The following ZNF746 variants were observed in gnomAD, a reference collection of about 807,000 sequenced individuals.
ZNF746 encodes the protein zinc finger protein 746, also known as parkin-interacting substrate.
Under a neutral mutation model 41.0 loss-of-function variants are expected in ZNF746, and 13 were observed. The ratio of observed to expected loss-of-function variants is 0.32; its 90% CI spans 0.21 to 0.50. The LOEUF (loss-of-function observed/expected upper bound fraction) is 0.50, where lower values mean the gene tolerates loss of function less well. ZNF746 is among the 20% of genes least tolerant of loss of function. ZNF746 has a pLI of 0.98. For missense variants in ZNF746, 811 were observed against 922.9 expected (o/e 0.88, Z 1.57); for synonymous variants, 424 against 396.2 (o/e 1.07, Z -0.83).
intron 3 of ZNF746, among the ~76,000 whole-genome samples, chr7:149,493,347 A>C (rs921854298): frequency 6.6e-6 from 1 of 152,220 alleles, no homozygotes; most frequent in Non-Finnish European, 1.5e-5. Context: ...TGTGCTGACG[A>C]AACAACCTCA....
intron 1 of ZNF746, chr7:149,496,851 G>C (rs1365072285): frequency 1.0e-6 from 1 of 985,394 alleles, no homozygotes; most frequent in African/African-American, 1.7e-5. Flanking sequence ...CTGCCTGCCT[G>C]GTCCTTGAAC....
In ZNF746 at chr7:149,475,216, G is replaced by A. The variant is rs1187751472; in HGVS notation, c.1151C>T (p.Pro384Leu). The change falls in exon 7 of 7, where the codon CCT (proline) becomes CTT (leucine). Residue 384 changes from proline (P) to leucine (L), a missense_variant. Physicochemically the swap from Pro to Leu is moderately conservative, Grantham distance 98. This residue lies in a region of ZNF746 where 495 missense variants were observed against 481.6 expected (regional missense o/e 1.03). Coordinates refer to ENST00000458143, the MANE Select transcript of ZNF746 (RefSeq NM_001394198.1). The stretch of plus-strand genomic sequence containing the variant: ...CCCTCCGAAGAGCCAGTCCCCAGGA[G>A]GGGTCTCCTCCTGGGCCACAGCAGG... ...LSPAVAQEET[P>L]PGDWLFGGVR... The A allele has an allele frequency of 2.5e-6, 4 of 1,612,950 alleles. No homozygotes were observed. The African/African-American group carries it at 5.3e-5, about 22-fold the overall frequency.
chr7:149,493,187 T>C (rs1800868220), intron 3 of ZNF746, among the ~76,000 whole-genome samples: 1 of 152,048 alleles, frequency 6.6e-6, no homozygotes, highest in South Asian at 2.1e-4. Context: ...GTGACTGGCA[T>C]CTGGAGATGC....
rs1801021199 is a variant in ZNF746, at chr7:149,497,024, A to C, written c.24+489T>G. 1 of 985,376 alleles carries C rather than the reference A, an allele frequency of 1.0e-6. No individual in the cohort carries two copies. Among genetic ancestry groups the C allele is most frequent in the East Asian group, 1.1e-4 (1 of 8,792 alleles). The allele number at this position is 985,376 out of a possible 1,614,324, so 61.0% of individuals were successfully genotyped here. A position where few individuals can be genotyped will look rare whatever the true frequency, so the allele number is the denominator to read the frequency against. Reference sequence around the variant, plus strand: ...ACTAACGCCTCAACAGGGCTTGTGGAAGTGCGTGGCTCTATATTCCCTTCC... The same window carrying C: ...ACTAACGCCTCAACAGGGCTTGTGGCAGTGCGTGGCTCTATATTCCCTTCC... On this transcript the variant is annotated intron_variant, in intron 1 of 6. Transcript: ENST00000458143. The surrounding 1 kb of genome is among the most constrained non-coding windows in gnomAD (Gnocchi z 4.2).
At chr7:149,477,804 C>A in intron 4 of ZNF746, 49 bp from the exon 5 acceptor site, 1 of 1,479,674 alleles carries the variant, frequency 6.8e-7, no homozygotes. Context: ...CCCCTCAGCC[C>A]TGGGGCATAC....
At chr7:149,476,767 ATAAC>A (rs1007953797) in intron 6 of ZNF746, among the ~76,000 whole-genome samples, 151 bp downstream of exon 6, 2 of 152,220 alleles carry the variant, frequency 1.3e-5, no homozygotes, top group African/African-American at 4.8e-5. Flanking sequence ...AAGGAGATAA[ATAAC>A]AGAATGTGCA....
chr7:149,476,398 A>G (rs1274782624), intron 6 of ZNF746, among the ~76,000 whole-genome samples: 1 of 151,528 alleles, frequency 6.6e-6, no homozygotes, highest in Non-Finnish European at 1.5e-5. Context: ...GAGGTTTCAC[A>G]TCAGGGATCT....
intron 5 of ZNF746, 51 bp downstream of exon 5, chr7:149,477,513 C>T: frequency 6.5e-7 from 1 of 1,545,154 alleles, no homozygotes; most frequent in East Asian, 2.3e-5. Flanking sequence ...TCCCCTGTCC[C>T]TCCTGTGATC....
chr7:149,492,314 T>C (rs1374613442), intron 4 of ZNF746, among the ~76,000 whole-genome samples: 1 of 152,210 alleles, frequency 6.6e-6, no homozygotes, highest in Non-Finnish European at 1.5e-5. Context: ...GAGTAATAAA[T>C]ATATTTTCTC....
At chr7:149,480,442 TG>T (rs1318565557) in intron 4 of ZNF746, among the ~76,000 whole-genome samples, 43 of 152,232 alleles carry the variant, frequency 2.8e-4, no homozygotes, top group African/African-American at 7.7e-4. Context: ...TTTGTTTGTT[TG>T]TTTGTTTGAG....
In ZNF746 at chr7:149,497,399, G is replaced by A. The variant is rs1801043858; in HGVS notation, c.24+114C>T. On this transcript the variant is annotated intron_variant, in intron 1 of 6. Transcript: ENST00000458143. The surrounding 1 kb of genome is among the most constrained non-coding windows in gnomAD (Gnocchi z 4.2). ...CCCATTCGCGGGAGCCCCAGGCCCG[G>A]TGGTCCGGCCCGGACCCCGGAACCC... 9.9e-7 allele frequency: 1 copy of A among 1,009,434 alleles called. No homozygotes were observed. The highest frequency in any genetic ancestry group is 9.0e-5 in the East Asian group (1 of 11,058). The allele number at this position is 1,009,434 out of a possible 1,614,324, so 62.5% of individuals were successfully genotyped here.
chr7:149,474,794 C>T lies in ZNF746; in HGVS notation c.1573G>A (p.Ala525Thr), dbSNP rs936642916. 62 of 1,533,760 alleles carry T rather than the reference C, an allele frequency of 4.0e-5. No individual in the cohort carries two copies. The highest frequency in any genetic ancestry group is 5.2e-5 in the Non-Finnish European group (59 of 1,143,974). The change falls in exon 7 of 7, where the codon GCC becomes ACC. Residue 525 changes from alanine (A) to threonine (T), a missense_variant. Transcript: ENST00000458143. This position sits in a 1 kb window ranked among gnomAD's most constrained non-coding sequence, Gnocchi z 6.3. ...CGGCCGCACTCCCCACACCGAAGGG[C>T]GCTGCCATCCCGTGCGCTGCCCCCA... is the stretch of plus-strand genomic sequence containing the variant. ...SGGGSARDGS[A>T]LRCGECGRCF... is the part of the protein sequence containing the mutation.
At chr7:149,488,110 A>G (rs1337992647) in intron 4 of ZNF746, 2 of 152,360 alleles carry the variant, frequency 1.3e-5, no homozygotes, top group East Asian at 3.9e-4. Context: ...TGCAGAAACC[A>G]GCTCAGGACA....
chr7:149,475,134 C>G lies in ZNF746; in HGVS notation c.1233G>C (p.Thr411=). The G allele has an allele frequency of 6.2e-7, 1 of 1,612,404 alleles. No homozygotes were observed. The change falls in exon 7 of 7, where the codon ACG becomes ACC. Residue 411 remains threonine (T), a synonymous_variant. Transcript: ENST00000458143. The part of the protein sequence containing the change: ...CKPPVGLNPR[T]GPEGLPYSSP... ...AGGAGTAAGGAAGCCCCTCGGGCCCCGTCCTCGGGTTCAGGCCCACTGGCG... is the reference window on the plus strand; with the variant it reads ...AGGAGTAAGGAAGCCCCTCGGGCCCGGTCCTCGGGTTCAGGCCCACTGGCG...
chr7:149,477,075 G>A, intron 5 of ZNF746, 28 bp from the exon 6 acceptor site: 1 of 1,603,610 alleles, frequency 6.2e-7, no homozygotes. Flanking sequence ...CAGAGCCGGT[G>A]GGTTAGGGGA....
At chr7:149,476,263 A>G (rs542244348) in intron 6 of ZNF746, among the ~76,000 whole-genome samples, 14 of 141,286 alleles carry the variant, frequency 9.9e-5, no homozygotes, top group Middle Eastern at 3.8e-3. Flanking sequence ...CAGTGAGCAG[A>G]GATCGCCCCA....
rs1213065914 is a variant in ZNF746 at position 149,497,510 on chromosome 7, T to A, written c.24+3A>T. On this transcript the variant is annotated splice_donor_region_variant and intron_variant, in intron 1 of 6. Transcript: ENST00000458143. This position sits in a 1 kb window ranked among gnomAD's most constrained non-coding sequence, Gnocchi z 4.2. ...AGTCCCTGCGCGCGCGGGTCGCCCT[T>A]ACCGGAGCCGCGACCGCCTCGGCCA... 9.1e-7 allele frequency: 1 copy of A among 1,101,646 alleles called. No homozygotes were observed. The highest frequency in any genetic ancestry group is 1.1e-6 in the Non-Finnish European group (1 of 907,656). The allele number at this position is 1,101,646 out of a possible 1,614,324, so 68.2% of individuals were successfully genotyped here.
In ZNF746 at chr7:149,474,845, T is replaced by TGCCGCCACC; in HGVS notation, c.1521_1522insGGTGGCGGC (p.Gly507_Ser508insGlyGlyGly). On this transcript the variant is annotated inframe_insertion, in exon 7 of 7. Transcript: ENST00000458143. This position sits in a 1 kb window ranked among gnomAD's most constrained non-coding sequence, Gnocchi z 6.3. Reference sequence around the variant, plus strand: ...CCGCTGCCGCCACCGCCGCCGCCACTGCCGCTGCCGCCACCGCCTGTGCCC... The same window carrying TGCCGCCACC: ...CCGCTGCCGCCACCGCCGCCGCCACTGCCGCCACCGCCGCTGCCGCCACCGCCTGTGCCC... 7.1e-7 allele frequency: 1 copy of TGCCGCCACC among 1,418,234 alleles called. No homozygotes were observed. The highest frequency in any genetic ancestry group is 3.0e-5 in the East Asian group (1 of 33,854). The allele number at this position is 1,418,234 out of a possible 1,614,324, so 87.9% of individuals were successfully genotyped here. A position where few individuals can be genotyped will look rare whatever the true frequency, so the allele number is the denominator to read the frequency against.
In ZNF746 at chr7:149,474,855, G is replaced by A; in HGVS notation, c.1512C>T (p.Gly504=). 5 of 1,453,956 alleles carry A rather than the reference G, an allele frequency of 3.4e-6. No individual in the cohort carries two copies. The highest frequency in any genetic ancestry group is 1.3e-5 in the South Asian group (1 of 75,228). 90.1% of individuals were successfully genotyped at this position (1,453,956 alleles called of 1,614,324 possible). A position where few individuals can be genotyped will look rare whatever the true frequency, so the allele number is the denominator to read the frequency against. The change falls in exon 7 of 7, where the codon GGC becomes GGT. Residue 504 remains glycine (G), a synonymous_variant. Coordinates refer to ENST00000458143, the MANE Select transcript of ZNF746 (RefSeq NM_001394198.1). This position sits in a 1 kb window ranked among gnomAD's most constrained non-coding sequence, Gnocchi z 6.3. ...CACCGCCGCCGCCACTGCCGCTGCC[G>A]CCACCGCCTGTGCCCGGGCCCGACC... is the stretch of plus-strand genomic sequence containing the variant. ...PDGSGPGTGG[G]GSGSGGGGGG...
Sources: allele counts gnomAD v4.1 joint callset (sites outside exome capture counted in the v4.1 genomes callset), GRCh38; gene constraint gnomAD v4.1.1; regional missense constraint gnomAD v4.1.1; non-coding constraint Gnocchi (gnomAD v3.1); transcripts MANE v1.5; gene names NCBI Gene and HGNC (gene_info 2026-07-23, HGNC 2026-07-21).